LGSN: variants seen among roughly 807,000 people sequenced by gnomAD.
The protein encoded by LGSN is lengsin.
LGSN carries 21 observed loss-of-function variants against 19.5 expected under a neutral mutation model. That is an observed-to-expected ratio of 1.07 (90% CI 0.76 to 1.55). LGSN has a LOEUF of 1.55. Among genes scored for constraint, LGSN ranks in the 40% most tolerant of loss-of-function variants. The pLI is 0.00. For synonymous variants in LGSN, 257 were observed against 215.6 expected (o/e 1.19, Z -1.68); for missense variants, 673 against 608.5 (o/e 1.11, Z -1.12).
At chr6:63,283,145 A>C (rs372882916) in intron 3 of LGSN, among the ~76,000 whole-genome samples, 3 of 151,694 alleles carry the variant, frequency 2.0e-5, no homozygotes, top group East Asian at 1.9e-4. Flanking sequence ...TTTTTTGAAC[A>C]CTCTTTTCTG....
chr6:63,558,809 G>A, the LGSN span, among the ~76,000 whole-genome samples: 1 of 152,168 alleles, frequency 6.6e-6, no homozygotes, highest in Admixed American at 6.5e-5. Context: ...GGAGGCAGAG[G>A]AAGACAAGCC....
chr6:63,278,223 A>T lies in LGSN; in HGVS notation c.*1798T>A, dbSNP rs1021569021. 5 of 152,118 alleles carry T rather than the reference A, an allele frequency of 3.3e-5. No individual in the cohort carries two copies. Among genetic ancestry groups the T allele is most frequent in the African/African-American group, 1.2e-4 (5 of 41,414 alleles). 9.4% of individuals were successfully genotyped at this position (152,118 alleles called of 1,614,324 possible). On this transcript the variant is annotated 3_prime_UTR_variant, in exon 4 of 4. Transcript: ENST00000370657. ...GCTCAGAAATATCATTTCATTTTTCATTGCTTTCAAAGAACATATTGAGGT... is the reference window on the plus strand; with the variant it reads ...GCTCAGAAATATCATTTCATTTTTCTTTGCTTTCAAAGAACATATTGAGGT...
chr6:63,411,874 A>G, the LGSN span, among the ~76,000 whole-genome samples: 10 of 152,222 alleles, frequency 6.6e-5, no homozygotes, highest in Admixed American at 1.3e-4. Flanking sequence ...GTGCTAAAAT[A>G]CTTAAGCACT....
At chr6:63,526,398 C>A in the LGSN span, among the ~76,000 whole-genome samples, 6 of 152,008 alleles carry the variant, frequency 3.9e-5, no homozygotes, top group Non-Finnish European at 8.8e-5. Context: ...AGTTGAAATT[C>A]TATTATCAAA....
At chr6:63,321,866 T>A (rs138013280), upstream of LGSN, among the ~76,000 whole-genome samples, 9 of 152,334 alleles carry the variant, frequency 5.9e-5, no homozygotes, top group South Asian at 1.9e-3. Context: ...ATGAATATAG[T>A]CATTGAGCCA....
chr6:63,471,269 T>C, the LGSN span, among the ~76,000 whole-genome samples: 1 of 121,294 alleles, frequency 8.2e-6, no homozygotes, highest in Admixed American at 9.0e-5. Context: ...TGAGCCACCA[T>C]GCCTGGCCCA....
the LGSN span, among the ~76,000 whole-genome samples, chr6:63,508,728 C>T: frequency 6.6e-6 from 1 of 151,764 alleles, no homozygotes; most frequent in African/African-American, 2.4e-5. Flanking sequence ...ACCAGCCTGA[C>T]CAACTTGGCG....
the LGSN span, among the ~76,000 whole-genome samples, chr6:63,525,583 C>T: frequency 6.6e-6 from 1 of 152,188 alleles, no homozygotes. Context: ...CTCCACTGGA[C>T]TCTCCTCTGC....
At chr6:63,534,825 C>CA in the LGSN span, among the ~76,000 whole-genome samples, 1 of 54,064 alleles carries the variant, frequency 1.8e-5, no homozygotes, top group Non-Finnish European at 3.9e-5. Context: ...AATTTCTTTA[C>CA]TAAAGAATTT....
the LGSN span, among the ~76,000 whole-genome samples, chr6:63,464,467 G>A: frequency 6.6e-6 from 1 of 150,626 alleles, no homozygotes; most frequent in African/African-American, 2.4e-5. Flanking sequence ...AGCATTGACA[G>A]TACAGAGACA....
rs753479275 is a variant in LGSN, at chr6:63,280,049, C to A, written c.1502G>T (p.Arg501Ile). Residue 501 changes from arginine to isoleucine, a missense_variant, in exon 4 of 4, where the codon AGA (arginine) becomes ATA (isoleucine). Coordinates refer to ENST00000370657, the MANE Select transcript of LGSN (RefSeq NM_016571.3). ...ELENEEIAAE[R>I]NKFLEYFI The stretch of plus-strand genomic sequence containing the variant: ...AATAAAATACTCTAAGAATTTATTT[C>A]TCTCTGCAGCTATTTCTTCATTCTC... 1.5e-5 allele frequency: 24 copies of A among 1,607,704 alleles called. No homozygotes were observed. Among genetic ancestry groups the A allele is most frequent in the Non-Finnish European group, 2.0e-5 (24 of 1,177,152 alleles).
At chr6:63,492,090 T>C in the LGSN span, among the ~76,000 whole-genome samples, 1 of 152,182 alleles carries the variant, frequency 6.6e-6, no homozygotes, top group Admixed American at 6.6e-5. Flanking sequence ...CTTCAAATTA[T>C]ACGAGCATCA....
the LGSN span, among the ~76,000 whole-genome samples, chr6:63,456,373 A>ACTTTTTTTTT: frequency 2.3e-5 from 1 of 42,580 alleles, no homozygotes; most frequent in Non-Finnish European, 6.7e-5. Context: ...ATATATATAT[A>ACTTTTTTTTT]TATATATATA....
At chr6:63,449,147 A>G in the LGSN span, among the ~76,000 whole-genome samples, 1 of 152,200 alleles carries the variant, frequency 6.6e-6, no homozygotes, top group Non-Finnish European at 1.5e-5. Flanking sequence ...CCCTGCAGAC[A>G]CAGAGAGACA....
the LGSN span, among the ~76,000 whole-genome samples, chr6:63,366,121 T>C: frequency 1.3e-5 from 2 of 152,168 alleles, no homozygotes; most frequent in Non-Finnish European, 2.9e-5. Flanking sequence ...AGAAAGGGTA[T>C]TCAATAAGGA....
the LGSN span, among the ~76,000 whole-genome samples, chr6:63,350,835 G>C: frequency 6.7e-6 from 1 of 149,816 alleles, no homozygotes; most frequent in Non-Finnish European, 1.5e-5. Context: ...CTGGGCCACA[G>C]AGCCATCTAA....
rs1767128322 is a variant in LGSN at position 63,277,255 on chromosome 6, C to T, written c.*2766G>A. The T allele has an allele frequency of 6.6e-6, 1 of 152,156 alleles. No individual in the cohort carries two copies. The highest frequency in any genetic ancestry group is 6.5e-5 in the Admixed American group (1 of 15,280). 9.4% of individuals were successfully genotyped at this position (152,156 alleles called of 1,614,324 possible). A position where few individuals can be genotyped will look rare whatever the true frequency, so the allele number is the denominator to read the frequency against. On this transcript the variant is annotated 3_prime_UTR_variant, in exon 4 of 4. Coordinates refer to ENST00000370657, the MANE Select transcript of LGSN (RefSeq NM_016571.3). ...TCATTATGGTAAAATGAAGTCAATGCATTAGACATGTTTCATTAAGGCCCG... is the reference window on the plus strand; with the variant it reads ...TCATTATGGTAAAATGAAGTCAATGTATTAGACATGTTTCATTAAGGCCCG...
the LGSN span, chr6:63,550,521 T>C: frequency 6.6e-6 from 1 of 152,190 alleles, no homozygotes; most frequent in Non-Finnish European, 1.5e-5. Context: ...ACTTTCATGA[T>C]AAAGGGCCTG....
At chr6:63,342,546 G>C in the LGSN span, among the ~76,000 whole-genome samples, 1 of 152,092 alleles carries the variant, frequency 6.6e-6, no homozygotes, top group African/African-American at 2.4e-5. Context: ...GAAAATATTA[G>C]AACCATATTT....
Sources: gnomAD v4.1 joint callset for allele counts (sites outside exome capture counted in the v4.1 genomes callset) on GRCh38, gnomAD v4.1.1 for gene constraint, MANE v1.5 for transcripts, NCBI Gene and HGNC (gene_info 2026-07-23, HGNC 2026-07-21) for gene names.